Variants in CNTN3 observed in about 807,000 individuals in gnomAD.
The protein encoded by CNTN3 is contactin 3.
CNTN3 carries 60 observed loss-of-function variants against 119.1 expected under a neutral mutation model. That is an observed-to-expected ratio of 0.50 (90% confidence interval 0.41 to 0.62). The LOEUF is 0.62. Ranked by LOEUF, CNTN3 falls within the 20% of genes least tolerant of loss-of-function variation. The probability of loss-of-function intolerance (pLI) is 0.00; values close to 1 mark genes in which losing one functional copy is unlikely to be tolerated. For missense variants in CNTN3, 1,101 were observed against 1,242.4 expected (o/e 0.89, Z 1.71); for synonymous variants, 450 against 438.7 (o/e 1.03, Z -0.32).
intron 4 of CNTN3, among the ~76,000 whole-genome samples, chr3:74,440,677 A>T (rs1166649919): frequency 6.6e-6 from 1 of 152,050 alleles, no homozygotes; most frequent in Non-Finnish European, 1.5e-5. Context: ...TTTTACTTTA[A>T]GTACTGGGAT....
intron 13 of CNTN3, among the ~76,000 whole-genome samples, chr3:74,321,437 T>C (rs1017964283): frequency 6.6e-6 from 1 of 152,212 alleles, no homozygotes; most frequent in East Asian, 1.9e-4. Flanking sequence ...ATTTATGTCA[T>C]TGAGTGCATA....
intron 5 of CNTN3, among the ~76,000 whole-genome samples, 198 bp from the exon 6 acceptor site, chr3:74,371,597 C>A (rs1357138642): frequency 6.6e-6 from 1 of 152,140 alleles, no homozygotes; most frequent in Admixed American, 6.5e-5. Flanking sequence ...CGTTGATTAG[C>A]ATCCTGGTGG....
chr3:74,521,129 C>T lies in CNTN3; in HGVS notation c.-17G>A, dbSNP rs372818010. The T allele has an allele frequency of 3.5e-5, 54 of 1,564,486 alleles. No individual in the cohort carries two copies. The highest frequency in any genetic ancestry group is 4.5e-5 in the Non-Finnish European group (51 of 1,143,884). On this transcript the variant is annotated 5_prime_UTR_variant, in exon 2 of 23. Coordinates refer to ENST00000263665, the MANE Select transcript of CNTN3 (RefSeq NM_020872.3). The stretch of plus-strand genomic sequence containing the variant: ...AAACATCATCTTTAATTGCCAAATG[C>T]AAGAGTAACTCTTGTCCAGTCTCTG...
At chr3:74,514,235 A>T (rs1298428034) in intron 2 of CNTN3, among the ~76,000 whole-genome samples, 3 of 152,178 alleles carry the variant, frequency 2.0e-5, no homozygotes, top group Non-Finnish European at 4.4e-5. Flanking sequence ...ATATGCTCCA[A>T]TAATTGTCAA....
At chr3:74,291,111 C>T (rs909471586) in intron 19 of CNTN3, among the ~76,000 whole-genome samples, 1 of 151,728 alleles carries the variant, frequency 6.6e-6, no homozygotes, top group East Asian at 2.0e-4. Context: ...CAAGTGTTCT[C>T]GTCGTTCAGT....
At chr3:74,426,011 G>A (rs1272308920) in intron 4 of CNTN3, among the ~76,000 whole-genome samples, 1 of 151,986 alleles carries the variant, frequency 6.6e-6, no homozygotes, top group Non-Finnish European at 1.5e-5. Flanking sequence ...TAGCAATCAA[G>A]TGCAAATACT....
intron 3 of CNTN3, among the ~76,000 whole-genome samples, chr3:74,488,917 C>T (rs1008047866): frequency 2.0e-5 from 3 of 152,176 alleles, no homozygotes; most frequent in African/African-American, 4.8e-5. Flanking sequence ...TATTATCCTT[C>T]CCAAATCAAG....
chr3:74,523,822 C>T (rs76033086), intron 1 of CNTN3, among the ~76,000 whole-genome samples: 18,537 of 151,858 alleles, frequency 0.12, 1,457 homozygotes, highest in Non-Finnish European at 0.17. Flanking sequence ...ATTATAAACT[C>T]TTATAAATAA....
chr3:74,274,147 C>T (rs12639285), intron 20 of CNTN3, among the ~76,000 whole-genome samples: 13,769 of 152,090 alleles, frequency 0.091, 707 homozygotes, highest in East Asian at 0.18. Context: ...CCAGCAGCTA[C>T]GGCAAGACCT....
In CNTN3 at chr3:74,461,288, ACTC is replaced by A. The variant is rs558017845; in HGVS notation, c.358+25165_358+25167del. Among the ~76,000 whole-genome samples, 15 of 151,880 alleles carry A rather than the reference ACTC, an allele frequency of 9.9e-5. No individual in the cohort carries two copies. The South Asian group carries it at 2.1e-3, about 21-fold the overall frequency. ...TTTTAAAAATCTGTAGCAGTTTTGC[ACTC>A]CTCCTCCTCTTCCTTTGTTCATGCC... On this transcript the variant is annotated intron_variant, in intron 4 of 22. Coordinates refer to ENST00000263665, the MANE Select transcript of CNTN3 (RefSeq NM_020872.3).
At chr3:74,453,311 T>C (rs1702198002) in intron 4 of CNTN3, among the ~76,000 whole-genome samples, 1 of 152,162 alleles carries the variant, frequency 6.6e-6, no homozygotes, top group Admixed American at 6.5e-5. Context: ...CGAAGAGGTG[T>C]TTGTAGTATT....
Position 74,404,791 on chromosome 3 carries a change from T to TA in CNTN3, c.454+20053dup, listed in dbSNP as rs35976946. 7.0e-3 allele frequency among the ~76,000 whole-genome samples: 1,052 copies of TA among 151,194 alleles called. 7 individuals are homozygous for TA. Among genetic ancestry groups the TA allele is most frequent in the Non-Finnish European group, 9.7e-3 (659 of 67,634 alleles). ...ATACTGCTGAATACTAAAGCAGTTA[T>TA]AAAAAAAAATAGTCTATTTAAAATT... On this transcript the variant is annotated intron_variant, in intron 5 of 22. Coordinates refer to ENST00000263665, the MANE Select transcript of CNTN3 (RefSeq NM_020872.3).
At chr3:74,552,408 T>C (rs1164799296) in intron 1 of CNTN3, among the ~76,000 whole-genome samples, 1 of 152,196 alleles carries the variant, frequency 6.6e-6, no homozygotes, top group African/African-American at 2.4e-5. Context: ...CCGTTTTACA[T>C]TGCCACCTAG....
chr3:74,423,807 C>T (rs1236887625), intron 5 of CNTN3, among the ~76,000 whole-genome samples: 1 of 152,140 alleles, frequency 6.6e-6, no homozygotes, highest in Non-Finnish European at 1.5e-5. Context: ...TAATCAAGCT[C>T]CAAGTCTGCA....
intron 10 of CNTN3, among the ~76,000 whole-genome samples, chr3:74,364,196 A>G (rs1704137165): frequency 6.6e-6 from 1 of 152,136 alleles, no homozygotes; most frequent in South Asian, 2.1e-4. Flanking sequence ...AGTTGGTAAT[A>G]TTGGAGGTGG....
chr3:74,409,374 A>C (rs1324085272), intron 5 of CNTN3, among the ~76,000 whole-genome samples: 1 of 152,090 alleles, frequency 6.6e-6, no homozygotes, highest in Non-Finnish European at 1.5e-5. Flanking sequence ...TAACTTCTCT[A>C]TTTGTTTTCA....
chr3:74,322,623 C>T (rs1444957468), intron 13 of CNTN3, among the ~76,000 whole-genome samples: 2 of 152,142 alleles, frequency 1.3e-5, no homozygotes, highest in Non-Finnish European at 2.9e-5. Flanking sequence ...ACCATAAGAT[C>T]CAGCAATCAT....
chr3:74,297,541 T>C (rs1702365698), intron 18 of CNTN3, among the ~76,000 whole-genome samples: 1 of 152,156 alleles, frequency 6.6e-6, no homozygotes, highest in East Asian at 1.9e-4. Context: ...AGGAGGCTAA[T>C]CAATTAGGTC....
chr3:74,572,917 T>C (rs1254000124), intron 1 of CNTN3, among the ~76,000 whole-genome samples: 2 of 152,214 alleles, frequency 1.3e-5, no homozygotes, highest in Non-Finnish European at 1.5e-5. Context: ...CTGCTGTTCA[T>C]GGAGGTATAC....
Sources: gnomAD v4.1 joint callset for allele counts (sites outside exome capture counted in the v4.1 genomes callset) on GRCh38, gnomAD v4.1.1 for gene constraint, MANE v1.5 for transcripts, NCBI Gene and HGNC (gene_info 2026-07-23, HGNC 2026-07-21) for gene names.